The following RNF144A variants were observed in gnomAD, a reference collection of about 807,000 sequenced individuals.
RNF144A encodes ring finger protein 144A.
RNF144A carries 11 observed loss-of-function variants against 38.7 expected under a neutral mutation model. The ratio of observed to expected loss-of-function variants is 0.28; its 90% CI spans 0.18 to 0.47. The LOEUF (loss-of-function observed/expected upper bound fraction) is 0.47. RNF144A is among the 20% of genes least tolerant of loss of function. The probability of loss-of-function intolerance (pLI) is 0.99; values close to 1 mark genes in which losing one functional copy is unlikely to be tolerated. For synonymous variants in RNF144A, 149 were observed against 143.9 expected (o/e 1.04, Z -0.25); for missense variants, 316 against 377.2 (o/e 0.84, Z 1.34).
chr2:7,022,495 G>A (rs1473692765), intron 6 of RNF144A, among the ~76,000 whole-genome samples: 1 of 152,202 alleles, frequency 6.6e-6, no homozygotes, highest in East Asian at 1.9e-4. Flanking sequence ...TTTATGCATA[G>A]CACAGTACAC....
chr2:6,992,383 G>A (rs1379211343), intron 2 of RNF144A, among the ~76,000 whole-genome samples: 2 of 152,206 alleles, frequency 1.3e-5, no homozygotes, highest in Admixed American at 1.3e-4. Flanking sequence ...GAAGCCTGGT[G>A]GACCACACAC....
intron 3 of RNF144A, among the ~76,000 whole-genome samples, chr2:7,008,510 C>T (rs1218912940): frequency 6.6e-6 from 1 of 152,218 alleles, no homozygotes; most frequent in Non-Finnish European, 1.5e-5. Flanking sequence ...GGCCCCCTCC[C>T]GACACGGTGC....
intron 1 of RNF144A, among the ~76,000 whole-genome samples, chr2:6,936,844 AGTGT>A (rs55971680): frequency 0.019 from 2,698 of 144,170 alleles, 72 homozygotes; most frequent in African/African-American, 0.06. Flanking sequence ...CACACACAGT[AGTGT>A]GTGTGTGTGT....
chr2:6,991,422 C>T (rs980067781), intron 2 of RNF144A, among the ~76,000 whole-genome samples: 4 of 152,150 alleles, frequency 2.6e-5, no homozygotes, highest in East Asian at 1.9e-4. Flanking sequence ...CCAATCTGTA[C>T]GTGCTCAAGT....
At chr2:7,019,939 C>T (rs1303730265) in intron 5 of RNF144A, among the ~76,000 whole-genome samples, 1 of 152,180 alleles carries the variant, frequency 6.6e-6, no homozygotes, top group Non-Finnish European at 1.5e-5. Context: ...GCAGGTGAAC[C>T]ATTTGGTTAG....
intron 2 of RNF144A, among the ~76,000 whole-genome samples, chr2:6,965,663 A>G (rs1667623354): frequency 6.6e-6 from 1 of 152,134 alleles, no homozygotes; most frequent in Non-Finnish European, 1.5e-5. Flanking sequence ...CATCTTCAGG[A>G]TGGCATCCGT....
rs1468066421 is a variant in RNF144A, at chr2:6,944,229, C to A, written c.-12+3082C>A. Among the ~76,000 whole-genome samples, 4 of 152,046 alleles carry A rather than the reference C, an allele frequency of 2.6e-5. No individual in the cohort carries two copies. Among genetic ancestry groups the A allele is most frequent in the Admixed American group, 2.6e-4 (4 of 15,278 alleles). ...TGGGCCTGGGGTGATGGAGAAAGGA[C>A]CTGCAGTGGCACAGGCAGTGATCTG... On this transcript the variant is annotated intron_variant, in intron 2 of 8. Coordinates refer to ENST00000320892, the MANE Select transcript of RNF144A (RefSeq NM_014746.6). The surrounding 1 kb of genome is among the most constrained non-coding windows in gnomAD (Gnocchi z 4.7).
chr2:6,998,348 C>T lies in RNF144A; in HGVS notation c.135+1287C>T, dbSNP rs568315441. Among the ~76,000 whole-genome samples the T allele has an allele frequency of 8.5e-5, 13 of 152,278 alleles. No individual in the cohort carries two copies. The South Asian group carries it at 2.7e-3, about 32-fold the overall frequency. On this transcript the variant is annotated intron_variant, in intron 3 of 8. Transcript: ENST00000320892. Reference sequence around the variant, plus strand: ...TAGCTTTCAGACTGTATTTCATTTGCACCTCATGATGTCCTTGGTATGTAG... The same window carrying T: ...TAGCTTTCAGACTGTATTTCATTTGTACCTCATGATGTCCTTGGTATGTAG...
At chr2:6,984,264 G>C (rs1668815340) in intron 2 of RNF144A, among the ~76,000 whole-genome samples, 2 of 151,902 alleles carry the variant, frequency 1.3e-5, no homozygotes, top group South Asian at 2.1e-4. Context: ...CACATTTCCA[G>C]CAAGGAGAGC....
intron 8 of RNF144A, among the ~76,000 whole-genome samples, chr2:7,035,457 C>G (rs982306875): frequency 1.3e-5 from 2 of 152,204 alleles, no homozygotes; most frequent in African/African-American, 2.4e-5. Flanking sequence ...CATCTTGACC[C>G]ACCAAATTGC....
rs1012888976 is a variant in RNF144A, at chr2:7,066,079, C to CT, written c.735-2125dup. Among the ~76,000 whole-genome samples the CT allele has an allele frequency of 5.6e-3, 820 of 145,974 alleles. 6 individuals are homozygous for CT. The highest frequency in any genetic ancestry group is 0.017 in the African/African-American group (690 of 40,084). The stretch of plus-strand genomic sequence containing the variant: ...CCAAATTTAAGAAAAGTTTTTCTCT[C>CT]TTTTTTTTTTTTCTTTTTTTCTTTT... On this transcript the variant is annotated intron_variant, in intron 6 of 6. Coordinates refer to the RNF144A transcript ENST00000432850.
the RNF144A span, chr2:7,074,505 A>G: frequency 6.6e-6 from 1 of 152,228 alleles, no homozygotes; most frequent in Non-Finnish European, 1.5e-5. Context: ...ACAGCTTTTA[A>G]AAATTTTGTG....
At chr2:6,969,568 C>T (rs572015351) in intron 2 of RNF144A, among the ~76,000 whole-genome samples, 94 of 152,160 alleles carry the variant, frequency 6.2e-4, no homozygotes, top group Non-Finnish European at 1.1e-3. Context: ...GTCACTGCAG[C>T]CCCAGGAAAC....
Position 6,958,944 on chromosome 2 carries a change from C to T in RNF144A, c.-12+17797C>T, listed in dbSNP as rs1273248822. The stretch of plus-strand genomic sequence containing the variant: ...TTACCCAGTGACTCCCTAAATGGTG[C>T]ATTAGATCATCTTGCAGGTGCAGCG... On this transcript the variant is annotated intron_variant, in intron 2 of 8. Transcript: ENST00000320892. This position sits in a 1 kb window ranked among gnomAD's most constrained non-coding sequence, Gnocchi z 4.5. Among the ~76,000 whole-genome samples the T allele has an allele frequency of 1.3e-5, 2 of 152,222 alleles. No homozygotes were observed. Among genetic ancestry groups the T allele is most frequent in the African/African-American group, 4.8e-5 (2 of 41,460 alleles).
At chr2:7,028,095 G>A (rs1572435533) in intron 7 of RNF144A, among the ~76,000 whole-genome samples, 1 of 152,144 alleles carries the variant, frequency 6.6e-6, no homozygotes, top group East Asian at 1.9e-4. Flanking sequence ...CATGGCTAAG[G>A]GTGTAAAGTC....
At position 7,042,183 on chromosome 2, in the gene RNF144A, T is replaced by G. The variant is rs1286635216; in HGVS notation, c.*2423T>G. The G allele has an allele frequency of 2.0e-6, 2 of 985,362 alleles. No homozygotes were observed. The highest frequency in any genetic ancestry group is 4.7e-5 in the South Asian group (1 of 21,288). The allele number at this position is 985,362 out of a possible 1,614,324, so 61.0% of individuals were successfully genotyped here. ...TGAGATACATAAACTCGCATTTCCT[T>G]CTGTTTTAGTAAGGAGTGCCAGACT... On this transcript the variant is annotated 3_prime_UTR_variant, in exon 9 of 9. Coordinates refer to ENST00000320892, the MANE Select transcript of RNF144A (RefSeq NM_014746.6).
At chr2:6,997,084 T>C in intron 3 of RNF144A, 23 bp downstream of exon 3, 4 of 1,610,396 alleles carry the variant, frequency 2.5e-6, no homozygotes, top group Non-Finnish European at 3.4e-6. Context: ...GGATAAAATA[T>C]ATGTTACAGT....
intron 6 of RNF144A, among the ~76,000 whole-genome samples, chr2:7,052,410 C>T (rs1340289465): frequency 6.6e-6 from 1 of 152,156 alleles, no homozygotes; most frequent in Non-Finnish European, 1.5e-5. Context: ...CAGTTAAGTT[C>T]ACCTGCTCAC....
intron 2 of RNF144A, among the ~76,000 whole-genome samples, chr2:6,969,611 C>T (rs900212581): frequency 4.6e-5 from 7 of 152,166 alleles, no homozygotes; most frequent in Non-Finnish European, 1.5e-5. Context: ...CATTCTTAAA[C>T]CAAAAATTCC....
Sources: allele counts gnomAD v4.1 joint callset (sites outside exome capture counted in the v4.1 genomes callset), GRCh38; gene constraint gnomAD v4.1.1; non-coding constraint Gnocchi (gnomAD v3.1); transcripts MANE v1.5; gene names NCBI Gene and HGNC (gene_info 2026-07-23, HGNC 2026-07-21).